Variants in SMOC2 observed in about 807,000 individuals in gnomAD.
SMOC2 encodes the protein SPARC-related modular calcium-binding protein 2.
SMOC2 carries 39 observed loss-of-function variants against 61.4 expected under a neutral mutation model. The ratio of observed to expected loss-of-function variants is 0.64; its 90% CI spans 0.49 to 0.83. SMOC2 has a LOEUF of 0.83. SMOC2 is among the 40% of genes least tolerant of loss of function. The pLI is 0.00. For missense variants in SMOC2, 556 were observed against 592.9 expected (o/e 0.94, Z 0.65); for synonymous variants, 247 against 239.9 (o/e 1.03, Z -0.27).
At chr6:168,608,260 T>C (rs1224232805) in intron 9 of SMOC2, 21 bp downstream of exon 9, 1 of 1,607,296 alleles carries the variant, frequency 6.2e-7, no homozygotes, top group East Asian at 2.2e-5. Flanking sequence ...CCCGCGAGTG[T>C]GGCCCGAATC....
At chr6:168,442,304 A>G (rs1480249735) in intron 1 of SMOC2, among the ~76,000 whole-genome samples, 3 of 152,218 alleles carry the variant, frequency 2.0e-5, no homozygotes, top group Non-Finnish European at 4.4e-5. Context: ...TGTAACTTCT[A>G]TGCGACAGCC....
chr6:168,534,471 C>T (rs62424687), intron 4 of SMOC2, among the ~76,000 whole-genome samples: 17,370 of 152,300 alleles, frequency 0.11, 1,114 homozygotes, highest in Middle Eastern at 0.18. Flanking sequence ...TCCCCTGCGT[C>T]CCGCCCTGGC....
intron 1 of SMOC2, among the ~76,000 whole-genome samples, chr6:168,454,765 T>C (rs193101590): frequency 1.3e-5 from 2 of 152,320 alleles, no homozygotes; most frequent in East Asian, 3.9e-4. Flanking sequence ...GAGGTGAGCT[T>C]ACAACTTCTC....
intron 7 of SMOC2, among the ~76,000 whole-genome samples, chr6:168,586,874 TA>T (rs1000819591): frequency 4.6e-5 from 7 of 152,204 alleles, no homozygotes; most frequent in African/African-American, 1.7e-4. Flanking sequence ...TTTGCAAATA[TA>T]AAAAAGTAGT....
intron 1 of SMOC2, among the ~76,000 whole-genome samples, chr6:168,448,478 A>C (rs1781382977): frequency 7.5e-6 from 1 of 134,066 alleles, no homozygotes; most frequent in African/African-American, 2.9e-5. Context: ...GGCAAGGAAG[A>C]TGGGGATGAG....
intron 1 of SMOC2, among the ~76,000 whole-genome samples, chr6:168,463,082 C>T (rs761683419): frequency 2.6e-4 from 40 of 152,344 alleles, no homozygotes; most frequent in Non-Finnish European, 4.4e-4. Flanking sequence ...GCCTGGCTTT[C>T]GTGGAGCACT....
At chr6:168,640,168 G>C (rs542149946) in intron 9 of SMOC2, among the ~76,000 whole-genome samples, 119 of 94,300 alleles carry the variant, frequency 1.3e-3, no homozygotes, top group African/African-American at 6.6e-3. Context: ...ATCAGCACAC[G>C]GTCTTGGTGT....
intron 1 of SMOC2, among the ~76,000 whole-genome samples, chr6:168,448,730 C>T (rs1404507960): frequency 6.6e-6 from 1 of 152,140 alleles, no homozygotes; most frequent in African/African-American, 2.4e-5. Context: ...TACCATAAGC[C>T]TTGCGATACA....
chr6:168,502,651 A>G (rs997771702), intron 1 of SMOC2, among the ~76,000 whole-genome samples: 2 of 152,096 alleles, frequency 1.3e-5, no homozygotes, highest in Non-Finnish European at 2.9e-5. Flanking sequence ...TTTCACTCAG[A>G]CTCTTAAACT....
chr6:168,517,180 T>C (rs937663002), intron 2 of SMOC2, among the ~76,000 whole-genome samples: 2 of 152,174 alleles, frequency 1.3e-5, no homozygotes, highest in African/African-American at 4.8e-5. Context: ...CCCCAGACAG[T>C]CAGCTGTGAG....
chr6:168,591,010 T>A (rs570791665), intron 7 of SMOC2, among the ~76,000 whole-genome samples: 2 of 152,330 alleles, frequency 1.3e-5, no homozygotes, highest in Non-Finnish European at 2.9e-5. Flanking sequence ...GGAATGGGAA[T>A]CATGTTTCTA....
intron 1 of SMOC2, among the ~76,000 whole-genome samples, chr6:168,462,665 G>C (rs75927641): frequency 0.037 from 5,634 of 152,256 alleles, 160 homozygotes; most frequent in South Asian, 0.13. Context: ...AGCAATTCAG[G>C]CTGCAAGCTT....
chr6:168,598,118 G>A (rs527850145), intron 7 of SMOC2, among the ~76,000 whole-genome samples: 2 of 152,200 alleles, frequency 1.3e-5, no homozygotes, highest in African/African-American at 2.4e-5. Context: ...TTCTTTACCA[G>A]TTTTCAGTAA....
At chr6:168,645,826 A>G (rs532695257) in intron 9 of SMOC2, among the ~76,000 whole-genome samples, 2 of 152,284 alleles carry the variant, frequency 1.3e-5, no homozygotes, top group African/African-American at 4.8e-5. Flanking sequence ...CAGGCCAGCA[A>G]AGGCATTCCC....
intron 2 of SMOC2, among the ~76,000 whole-genome samples, chr6:168,513,962 T>C (rs2763231): frequency 0.88 from 133,723 of 152,198 alleles, 60,156 homozygotes; most frequent in East Asian, 1. Context: ...ATGAGGTGGA[T>C]GGCTGGGGCC....
chr6:168,513,043 C>A (rs1285410959), intron 2 of SMOC2, among the ~76,000 whole-genome samples: 1 of 151,826 alleles, frequency 6.6e-6, no homozygotes, highest in Non-Finnish European at 1.5e-5. Flanking sequence ...AAAGTAAAGA[C>A]AACATGATTA....
In SMOC2 at chr6:168,592,575, C is replaced by CAGGCATCTTTCTA. The variant is rs1562367438; in HGVS notation, c.638-6243_638-6242insAGGCATCTTTCTA. Among the ~76,000 whole-genome samples the CAGGCATCTTTCTA allele has an allele frequency of 2.0e-4, 16 of 78,144 alleles. 1 individual carries two copies. Among genetic ancestry groups the CAGGCATCTTTCTA allele is most frequent in the Admixed American group, 3.1e-4 (2 of 6,474 alleles). The allele number at this position is 78,144 out of a possible 152,430, so 51.3% of individuals were successfully genotyped here. A position where few individuals can be genotyped will look rare whatever the true frequency, so the allele number is the denominator to read the frequency against. On this transcript the variant is annotated intron_variant, in intron 7 of 12. Transcript: ENST00000356284. Reference sequence around the variant, plus strand: ...GCTCCTCCTCCTTCCTGAGGCCTCACGAGGGGCATCTTTCTAGAGGATCGC... The same window carrying CAGGCATCTTTCTA: ...GCTCCTCCTCCTTCCTGAGGCCTCACAGGCATCTTTCTAGAGGGGCATCTTTCTAGAGGATCGC...
intron 9 of SMOC2, among the ~76,000 whole-genome samples, chr6:168,609,938 C>G (rs914126280): frequency 4.6e-5 from 7 of 152,162 alleles, no homozygotes; most frequent in African/African-American, 1.7e-4. Flanking sequence ...GTAAAAGGGA[C>G]CGTGACAGAG....
chr6:168,494,173 C>A (rs1449855736), intron 1 of SMOC2, among the ~76,000 whole-genome samples: 2 of 152,162 alleles, frequency 1.3e-5, no homozygotes, highest in Non-Finnish European at 2.9e-5. Context: ...TTTCCTTCTA[C>A]ACGCTCTGAG....
Sources: gnomAD v4.1 joint callset for allele counts (sites outside exome capture counted in the v4.1 genomes callset) on GRCh38, gnomAD v4.1.1 for gene constraint, MANE v1.5 for transcripts, NCBI Gene and HGNC (gene_info 2026-07-23, HGNC 2026-07-21) for gene names.